AQP8: variants seen among roughly 807,000 people sequenced by gnomAD.
AQP8 encodes the protein aquaporin-8.
AQP8 carries 14 observed loss-of-function variants against 26.1 expected under a neutral mutation model. That is an observed-to-expected ratio of 0.54 (90% CI 0.35 to 0.84). The LOEUF is 0.84. AQP8 is among the 40% of genes least tolerant of loss of function. AQP8 has a pLI of 0.01. For synonymous variants in AQP8, 131 were observed against 150.7 expected (o/e 0.87, Z 0.96); for missense variants, 301 against 340.5 (o/e 0.88, Z 0.91).
intron 2 of AQP8, among the ~76,000 whole-genome samples, chr16:25,219,477 T>G (rs1404353972): frequency 6.6e-6 from 1 of 151,322 alleles, no homozygotes; most frequent in African/African-American, 2.4e-5. Flanking sequence ...GAGTGAACAA[T>G]GAATGAATGA....
Position 25,217,372 on chromosome 16 carries a change from A to C in AQP8, c.187A>C (p.Thr63Pro). ...GTCGGTCATTGAGAATGGGACGGAC[A>C]CTGGGCTGCTGCAGCCGGCCCTGGC... is the stretch of plus-strand genomic sequence containing the variant. The part of the protein sequence containing the change: ...CLSVIENGTD[T>P]GLLQPALAHG... Residue 63 changes from threonine to proline, a missense_variant, in exon 2 of 6, where the codon ACT (threonine) becomes CCT (proline). Thr to Pro is a conservative substitution (Grantham distance 38). Transcript: ENST00000219660. 1 of 1,614,064 alleles carries C rather than the reference A, an allele frequency of 6.2e-7. No homozygotes were observed. Among genetic ancestry groups the C allele is most frequent in the Non-Finnish European group, 8.5e-7 (1 of 1,179,984 alleles).
In AQP8 at chr16:25,228,551, G is replaced by C. The variant is rs2287797; in HGVS notation, c.*59G>C. 0.19 allele frequency: 289,718 copies of C among 1,563,692 alleles called. 29,839 individuals are homozygous for C. Among genetic ancestry groups the C allele is most frequent in the East Asian group, 0.37 (16,635 of 44,568 alleles). ...GTCCTCAGCTCACCTGTCCCAGACT[G>C]AGGACAGGGGAGTTCCTGCATTTCC... is the stretch of plus-strand genomic sequence containing the variant. On this transcript the variant is annotated 3_prime_UTR_variant, in exon 6 of 6. Coordinates refer to ENST00000219660, the MANE Select transcript of AQP8 (RefSeq NM_001169.3).
chr16:25,218,633 A>G (rs998860797), intron 2 of AQP8, among the ~76,000 whole-genome samples: 1 of 152,222 alleles, frequency 6.6e-6, no homozygotes, highest in Non-Finnish European at 1.5e-5. Context: ...TAATCCCAGC[A>G]CTTTGGGAGG....
chr16:25,221,088 C>T (rs73551033), intron 2 of AQP8, among the ~76,000 whole-genome samples: 5 of 151,990 alleles, frequency 3.3e-5, no homozygotes, highest in Admixed American at 2.6e-4. Context: ...GCCTGGATAC[C>T]GCTCTTGGGC....
At position 25,225,053 on chromosome 16, in the gene AQP8, G is replaced by C. The variant is rs78545146; in HGVS notation, c.602+477G>C. 9.2e-4 allele frequency among the ~76,000 whole-genome samples: 140 copies of C among 152,294 alleles called. 1 individual carries two copies. The East Asian group carries it at 0.019, about 21-fold the overall frequency. On this transcript the variant is annotated intron_variant, in intron 4 of 5. Coordinates refer to ENST00000219660, the MANE Select transcript of AQP8 (RefSeq NM_001169.3). ...TGATGTCTCCCGTTTTATAGATAAGGAAACTGAGGCTTAGAGAGGACAGAA... is the reference window on the plus strand; with the variant it reads ...TGATGTCTCCCGTTTTATAGATAAGCAAACTGAGGCTTAGAGAGGACAGAA...
At chr16:25,217,139 C>T (rs1962496548) in intron 1 of AQP8, 59 bp from the exon 2 acceptor site, 1 of 1,613,102 alleles carries the variant, frequency 6.2e-7, no homozygotes. Context: ...GGGGTCGGGG[C>T]CTTCTATATC....
At chr16:25,218,298 G>A (rs1962514379) in intron 2 of AQP8, among the ~76,000 whole-genome samples, 1 of 152,214 alleles carries the variant, frequency 6.6e-6, no homozygotes, top group Non-Finnish European at 1.5e-5. Context: ...GGTATGCAGA[G>A]ATCTGCAGTG....
Position 25,224,588 on chromosome 16 carries a change from T to C in AQP8, c.602+12T>C. 1 of 1,606,240 alleles carries C rather than the reference T, an allele frequency of 6.2e-7. No individual in the cohort carries two copies. The highest frequency in any genetic ancestry group is 8.5e-7 in the Non-Finnish European group (1 of 1,179,366). On this transcript the variant is annotated intron_variant, in intron 4 of 5. Transcript: ENST00000219660. ...GATATCCTGGCTGGGTGAGTGTCCC[T>C]TGGCAGTGGGGTGACCATGCCCAGA...
intron 3 of AQP8, among the ~76,000 whole-genome samples, chr16:25,222,565 C>T (rs563524447): frequency 9.2e-5 from 14 of 152,124 alleles, no homozygotes; most frequent in Non-Finnish European, 1.3e-4. Flanking sequence ...CTCCCTTCAT[C>T]CCTCTTTTTC....
At chr16:25,219,416 A>C (rs555241254) in intron 2 of AQP8, among the ~76,000 whole-genome samples, 1 of 151,666 alleles carries the variant, frequency 6.6e-6, no homozygotes, top group East Asian at 1.9e-4. Flanking sequence ...GTAAGTTATA[A>C]GCACCCAGCA....
intron 2 of AQP8, among the ~76,000 whole-genome samples, chr16:25,219,863 C>G (rs1962534214): frequency 6.6e-6 from 1 of 151,714 alleles, no homozygotes; most frequent in Non-Finnish European, 1.5e-5. Context: ...ATGGTGAAAC[C>G]CCGTCTCTAC....
intron 2 of AQP8, 152 bp from the exon 3 acceptor site, chr16:25,221,305 C>A: frequency 2.3e-6 from 2 of 887,758 alleles, no homozygotes; most frequent in Non-Finnish European, 3.4e-6. Flanking sequence ...AAAATGGAAG[C>A]AATTTGGTGC....
chr16:25,221,723 C>T (rs547758024), intron 3 of AQP8, 140 bp downstream of exon 3: 73 of 997,010 alleles, frequency 7.3e-5, no homozygotes, highest in East Asian at 1.2e-4. Flanking sequence ...AATTGGTGGA[C>T]GTTTTTCTTC....
rs1285873126 is a variant in AQP8 at position 25,221,504 on chromosome 16, G to A, written c.308G>A (p.Gly103Glu). The A allele has an allele frequency of 6.2e-7, 1 of 1,614,102 alleles. No individual in the cohort carries two copies. The highest frequency in any genetic ancestry group is 1.1e-5 in the South Asian group (1 of 91,078). ...PAVSLAAMLIGGLNLVMLLPY... is the reference protein window; with the variant it reads ...PAVSLAAMLIEGLNLVMLLPY... ...GTGTCCCTGGCAGCCATGCTGATCG[G>A]AGGCCTCAACCTGGTGATGCTCCTC... The change falls in exon 3 of 6, where the codon GGA becomes GAA. Residue 103 changes from glycine (G) to glutamate (E), a missense_variant. By Grantham distance (98) the Gly-to-Glu change is moderately conservative. Transcript: ENST00000219660.
In AQP8 at chr16:25,228,595, G is replaced by A. The variant is rs1962667134; in HGVS notation, c.*103G>A. 7.8e-7 allele frequency: 1 copy of A among 1,277,152 alleles called. No individual in the cohort carries two copies. Among genetic ancestry groups the A allele is most frequent in the South Asian group, 1.2e-5 (1 of 81,770 alleles). 79.1% of individuals were successfully genotyped at this position (1,277,152 alleles called of 1,614,324 possible). On this transcript the variant is annotated 3_prime_UTR_variant, in exon 6 of 6. Coordinates refer to ENST00000219660, the MANE Select transcript of AQP8 (RefSeq NM_001169.3). Reference sequence around the variant, plus strand: ...CATTTCCTGCCAGGGCAGAGGCCCAGAGGAGCGACCCCCTGCTTCCACTGC... The same window carrying A: ...CATTTCCTGCCAGGGCAGAGGCCCAAAGGAGCGACCCCCTGCTTCCACTGC...
chr16:25,221,956 C>T (rs145976135), intron 3 of AQP8, among the ~76,000 whole-genome samples: 2,268 of 151,940 alleles, frequency 0.015, 72 homozygotes, highest in African/African-American at 0.052. Context: ...TTAGTAGAGA[C>T]GGGGTTTCAT....
intron 3 of AQP8, among the ~76,000 whole-genome samples, chr16:25,223,043 CAT>C (rs1314364941): frequency 6.6e-6 from 1 of 152,226 alleles, no homozygotes; most frequent in East Asian, 1.9e-4. Flanking sequence ...TATGAAAAAC[CAT>C]AGTCAGTTCA....
intron 2 of AQP8, among the ~76,000 whole-genome samples, chr16:25,220,733 T>C (rs73551024): frequency 0.035 from 5,300 of 152,264 alleles, 116 homozygotes; most frequent in African/African-American, 0.05. Flanking sequence ...TCAGGAGGTC[T>C]TATTCAGGGC....
chr16:25,216,974 G>A lies in AQP8; in HGVS notation c.-72G>A. Reference sequence around the variant, plus strand: ...CAGGTCCTGTCCCTAGGAGATAAGAGTATCTTGCACAGCAGGTGCAGGTTT... The same window carrying A: ...CAGGTCCTGTCCCTAGGAGATAAGAATATCTTGCACAGCAGGTGCAGGTTT... On this transcript the variant is annotated 5_prime_UTR_variant, in exon 1 of 6. Coordinates refer to ENST00000219660, the MANE Select transcript of AQP8 (RefSeq NM_001169.3). The A allele has an allele frequency of 6.2e-7, 1 of 1,605,052 alleles. No individual in the cohort carries two copies. The highest frequency in any genetic ancestry group is 8.5e-7 in the Non-Finnish European group (1 of 1,174,904).
Sources: gnomAD v4.1 joint callset for allele counts (sites outside exome capture counted in the v4.1 genomes callset) on GRCh38, gnomAD v4.1.1 for gene constraint, MANE v1.5 for transcripts, NCBI Gene and HGNC (gene_info 2026-07-23, HGNC 2026-07-21) for gene names.